GPR149: variants seen among roughly 807,000 people sequenced by gnomAD.
The protein encoded by GPR149 is G protein-coupled receptor 149.
Under a neutral mutation model 50.2 loss-of-function variants are expected in GPR149, and 50 were observed. The observed-to-expected ratio is 1.00, with a 90% confidence interval of 0.79 to 1.26. The LOEUF is 1.26. Ranked by LOEUF, GPR149 falls within the 50% of genes most tolerant of loss-of-function variation. GPR149 has a pLI of 0.00. For synonymous variants in GPR149, 405 were observed against 358.2 expected (o/e 1.13, Z -1.48); for missense variants, 983 against 895.4 (o/e 1.10, Z -1.25).
intron 3 of GPR149, among the ~76,000 whole-genome samples, chr3:154,399,686 A>G (rs1289277850): frequency 1.3e-5 from 2 of 152,232 alleles, no homozygotes; most frequent in African/African-American, 4.8e-5. Context: ...TTAGTCATTT[A>G]AAACTGTTAG....
intron 3 of GPR149, among the ~76,000 whole-genome samples, chr3:154,356,511 A>T (rs989752756): frequency 2.0e-5 from 3 of 152,202 alleles, no homozygotes; most frequent in African/African-American, 7.2e-5. Context: ...ATGTGCAAAA[A>T]TCACAAGCAT....
At chr3:154,381,413 C>T (rs1457656986) in intron 3 of GPR149, among the ~76,000 whole-genome samples, 2 of 152,068 alleles carry the variant, frequency 1.3e-5, no homozygotes, top group African/African-American at 4.8e-5. Context: ...TCAACAATTG[C>T]TACAATATTT....
intron 3 of GPR149, among the ~76,000 whole-genome samples, chr3:154,413,967 A>C (rs1180598281): frequency 2.0e-5 from 3 of 147,736 alleles, no homozygotes; most frequent in Non-Finnish European, 4.5e-5. Flanking sequence ...TATACATGGA[A>C]TACTACTCAG....
At chr3:154,388,871 A>AACACAC (rs58641317) in intron 3 of GPR149, among the ~76,000 whole-genome samples, 4,005 of 144,906 alleles carry the variant, frequency 0.028, 194 homozygotes, top group African/African-American at 0.095. Context: ...ACATATGAAA[A>AACACAC]ACACACACAC....
intron 3 of GPR149, among the ~76,000 whole-genome samples, chr3:154,402,080 G>T (rs1268064665): frequency 6.6e-6 from 1 of 152,052 alleles, no homozygotes; most frequent in East Asian, 1.9e-4. Context: ...TGAATATTAA[G>T]AAAGACAAAT....
intron 3 of GPR149, among the ~76,000 whole-genome samples, chr3:154,393,664 T>C (rs1321827515): frequency 6.6e-6 from 1 of 151,868 alleles, no homozygotes; most frequent in Non-Finnish European, 1.5e-5. Context: ...ATCTTATATA[T>C]AGAAAACCCT....
chr3:154,416,156 C>T (rs1465377890), intron 3 of GPR149, among the ~76,000 whole-genome samples: 1 of 151,664 alleles, frequency 6.6e-6, no homozygotes, highest in Non-Finnish European at 1.5e-5. Context: ...AAAAGATACC[C>T]GTATTGAGTA....
intron 3 of GPR149, among the ~76,000 whole-genome samples, chr3:154,397,177 C>T (rs747002175): frequency 6.6e-6 from 1 of 152,068 alleles, no homozygotes; most frequent in African/African-American, 2.4e-5. Context: ...GACACCTAAA[C>T]CAACTCTCAG....
At chr3:154,362,951 G>A (rs536389261) in intron 3 of GPR149, among the ~76,000 whole-genome samples, 10 of 152,308 alleles carry the variant, frequency 6.6e-5, no homozygotes, top group Non-Finnish European at 1.0e-4. Context: ...GATTACACAT[G>A]AGATCACTTG....
At chr3:154,407,966 A>G (rs1034701353) in intron 3 of GPR149, among the ~76,000 whole-genome samples, 1 of 152,190 alleles carries the variant, frequency 6.6e-6, no homozygotes, top group African/African-American at 2.4e-5. Context: ...CATGTTGGAT[A>G]GATAGAGATA....
rs190506781 is a variant in GPR149 at position 154,406,049 on chromosome 3, T to C, written c.1623+14990A>G. Among the ~76,000 whole-genome samples the C allele has an allele frequency of 6.1e-3, 934 of 152,062 alleles. 8 individuals carry two copies. Among genetic ancestry groups the C allele is most frequent in the African/African-American group, 0.021 (885 of 41,546 alleles). Reference sequence around the variant, plus strand: ...GGATGAAGAACTAATATTTCTAATATGTAAAGAACTCTTAAAAATTAGAAG... The same window carrying C: ...GGATGAAGAACTAATATTTCTAATACGTAAAGAACTCTTAAAAATTAGAAG... On this transcript the variant is annotated intron_variant, in intron 3 of 3. Coordinates refer to ENST00000389740, the MANE Select transcript of GPR149 (RefSeq NM_001038705.3).
intron 3 of GPR149, among the ~76,000 whole-genome samples, chr3:154,388,013 CAG>C (rs1480787441): frequency 2.0e-5 from 3 of 151,924 alleles, no homozygotes; most frequent in Non-Finnish European, 2.9e-5. Flanking sequence ...CCTCAATGTG[CAG>C]AGATATTTAA....
intron 3 of GPR149, among the ~76,000 whole-genome samples, chr3:154,409,254 C>G (rs528529722): frequency 6.6e-6 from 1 of 152,312 alleles, no homozygotes; most frequent in Non-Finnish European, 1.5e-5. Context: ...GATCTTCCCT[C>G]TGACATAGTC....
chr3:154,351,539 C>G (rs1216634536), intron 3 of GPR149, among the ~76,000 whole-genome samples: 1 of 152,024 alleles, frequency 6.6e-6, no homozygotes, highest in Non-Finnish European at 1.5e-5. Flanking sequence ...ATAAACTGGA[C>G]TTCATTAAAT....
At position 154,337,827 on chromosome 3, in the gene GPR149, G is replaced by A. The variant is rs1314869094; in HGVS notation, c.2068C>T (p.Pro690Ser). Reference sequence around the variant, plus strand: ...TGCCTGTGTGCTTCTACTGTGTCTGGAATGGAGATATTAATATCACCATCA... The same window carrying A: ...TGCCTGTGTGCTTCTACTGTGTCTGAAATGGAGATATTAATATCACCATCA... ...NPDGDINISI[P>S]DTVEAHRQNS... The change falls in exon 4 of 4, where the codon CCA (proline) becomes TCA (serine). Residue 690 changes from proline to serine, a missense_variant. By Grantham distance (74) the Pro-to-Ser change is moderately conservative (BLOSUM62 -1). Transcript: ENST00000389740. 1 of 1,613,898 alleles carries A rather than the reference G, an allele frequency of 6.2e-7. No homozygotes were observed. The highest frequency in any genetic ancestry group is 1.3e-5 in the African/African-American group (1 of 74,896).
At chr3:154,392,071 A>T (rs1285099423) in intron 3 of GPR149, among the ~76,000 whole-genome samples, 2 of 151,858 alleles carry the variant, frequency 1.3e-5, no homozygotes, top group African/African-American at 2.4e-5. Flanking sequence ...ATTGTGAGAG[A>T]CTTCAATATC....
At chr3:154,400,262 A>AG (rs1559985272) in intron 3 of GPR149, among the ~76,000 whole-genome samples, 3 of 152,210 alleles carry the variant, frequency 2.0e-5, no homozygotes, top group African/African-American at 7.2e-5. Flanking sequence ...CTGGGATTAC[A>AG]GGGGTGAGCC....
At chr3:154,365,504 A>G (rs1176920424) in intron 3 of GPR149, among the ~76,000 whole-genome samples, 1 of 152,188 alleles carries the variant, frequency 6.6e-6, no homozygotes, top group Non-Finnish European at 1.5e-5. Context: ...TGTTCTTTAT[A>G]TAACCAAGCT....
intron 2 of GPR149, among the ~76,000 whole-genome samples, chr3:154,423,777 T>A (rs1197570910): frequency 6.6e-6 from 1 of 151,798 alleles, no homozygotes; most frequent in Non-Finnish European, 1.5e-5. Flanking sequence ...TAGGTCTTTT[T>A]AAAAAATGAA....
Sources: allele counts gnomAD v4.1 joint callset (sites outside exome capture counted in the v4.1 genomes callset), GRCh38; gene constraint gnomAD v4.1.1; transcripts MANE v1.5; gene names NCBI Gene and HGNC (gene_info 2026-07-23, HGNC 2026-07-21).